The following MERTK variants were observed in gnomAD, a reference collection of about 807,000 sequenced individuals.
The protein encoded by MERTK is tyrosine-protein kinase Mer.
MERTK carries 69 observed loss-of-function variants against 99.3 expected under a neutral mutation model. That is an observed-to-expected ratio of 0.70 (90% CI 0.57 to 0.85). The LOEUF (loss-of-function observed/expected upper bound fraction) is 0.85. MERTK is among the 40% of genes least tolerant of loss of function. The pLI is 0.00. For missense variants in MERTK, 1,125 were observed against 1,249.4 expected (o/e 0.90, Z 1.50); for synonymous variants, 426 against 467.6 (o/e 0.91, Z 1.15).
chr2:111,948,185 T>A (rs1684994974), intron 4 of MERTK, among the ~76,000 whole-genome samples: 1 of 152,150 alleles, frequency 6.6e-6, no homozygotes, highest in Non-Finnish European at 1.5e-5. Context: ...GTTACCACAC[T>A]CCCTCCCTCC....
chr2:111,979,063 A>C (rs751490974), intron 7 of MERTK, among the ~76,000 whole-genome samples: 1 of 152,070 alleles, frequency 6.6e-6, no homozygotes, highest in Non-Finnish European at 1.5e-5. Flanking sequence ...CATTACCTTT[A>C]ACTGTTTCGT....
intron 1 of MERTK, among the ~76,000 whole-genome samples, chr2:111,903,552 G>C (rs1317965249): frequency 1.3e-5 from 2 of 152,242 alleles, no homozygotes; most frequent in East Asian, 3.8e-4. Flanking sequence ...AGCCCTGGGT[G>C]CCTTGACTTT....
At chr2:111,927,571 C>T (rs749206269) in intron 1 of MERTK, among the ~76,000 whole-genome samples, 1 of 152,108 alleles carries the variant, frequency 6.6e-6, no homozygotes, top group Non-Finnish European at 1.5e-5. Flanking sequence ...ACTCGGGAGG[C>T]TGAGGTAGGA....
In MERTK at chr2:111,898,805, G is replaced by T; in HGVS notation, c.61+9G>T. 6.3e-7 allele frequency: 1 copy of T among 1,585,024 alleles called. No individual in the cohort carries two copies. The highest frequency in any genetic ancestry group is 8.6e-7 in the Non-Finnish European group (1 of 1,166,468). Reference sequence around the variant, plus strand: ...CGCGCTCTGGCGTAGAGGTGAGTGCGCCCGGCTGGGGGCCAGGCGAGGGGG... The same window carrying T: ...CGCGCTCTGGCGTAGAGGTGAGTGCTCCCGGCTGGGGGCCAGGCGAGGGGG... On this transcript the variant is annotated intron_variant, in intron 1 of 18. Transcript: ENST00000295408.
chr2:112,018,605 G>A lies in MERTK; in HGVS notation c.2080-808G>A, dbSNP rs570889594. Among the ~76,000 whole-genome samples, 15 of 152,266 alleles carry A rather than the reference G, an allele frequency of 9.9e-5. No individual in the cohort carries two copies. The South Asian group carries it at 3.1e-3, about 32-fold the overall frequency. On this transcript the variant is annotated intron_variant, in intron 15 of 18. Coordinates refer to ENST00000295408, the MANE Select transcript of MERTK (RefSeq NM_006343.3). ...GCCTTGGGGAGGGTACATAATGGAT[G>A]GACCCATTCATGACTGCCAGGGACT...
chr2:111,933,588 C>T (rs966406773), intron 2 of MERTK, among the ~76,000 whole-genome samples: 8 of 151,970 alleles, frequency 5.3e-5, no homozygotes, highest in East Asian at 3.8e-4. Context: ...TAGAAATTCC[C>T]GTAAGAATAG....
chr2:111,919,118 A>G (rs922073165), intron 1 of MERTK, among the ~76,000 whole-genome samples: 1 of 152,036 alleles, frequency 6.6e-6, no homozygotes, highest in African/African-American at 2.4e-5. Context: ...TGTCCCTCTG[A>G]CTTTAGGGTT....
At chr2:111,930,905 G>A (rs534508333) in intron 2 of MERTK, among the ~76,000 whole-genome samples, 2 of 152,232 alleles carry the variant, frequency 1.3e-5, no homozygotes, top group East Asian at 1.9e-4. Context: ...TCAGGACTTC[G>A]TTGCGTGCAC....
intron 15 of MERTK, among the ~76,000 whole-genome samples, chr2:112,011,253 C>G (rs907649141): frequency 2.0e-5 from 3 of 152,138 alleles, no homozygotes; most frequent in Non-Finnish European, 2.9e-5. Context: ...GAAATTAGTT[C>G]TTAGGGACCA....
At chr2:111,926,685 C>T (rs528370338) in intron 1 of MERTK, among the ~76,000 whole-genome samples, 1 of 152,298 alleles carries the variant, frequency 6.6e-6, no homozygotes, top group African/African-American at 2.4e-5. Context: ...TGAGATTGCG[C>T]CACTGCACTC....
chr2:111,956,739 A>G (rs1685154963), intron 4 of MERTK, among the ~76,000 whole-genome samples: 1 of 151,982 alleles, frequency 6.6e-6, no homozygotes, highest in South Asian at 2.1e-4. Flanking sequence ...TACTCAATGT[A>G]ACCTCAAAAC....
rs1005224975 is a variant in MERTK, at chr2:111,963,115, C to A, written c.758-2076C>A. On this transcript the variant is annotated intron_variant, in intron 4 of 18. Coordinates refer to ENST00000295408, the MANE Select transcript of MERTK (RefSeq NM_006343.3). ...CAGATAAACACGTGAACAAAGGTCT[C>A]TGCAACATAGACAAGGTAAAGAATT... Among the ~76,000 whole-genome samples the A allele has an allele frequency of 1.0e-3, 159 of 152,230 alleles. 1 individual carries two copies. Among genetic ancestry groups the A allele is most frequent in the African/African-American group, 3.7e-3 (155 of 41,530 alleles).
At chr2:111,956,304 T>C (rs80066255) in intron 4 of MERTK, among the ~76,000 whole-genome samples, 2 of 152,240 alleles carry the variant, frequency 1.3e-5, no homozygotes, top group East Asian at 3.9e-4. Context: ...GTACCAGGAT[T>C]GCCTATAGGA....
At chr2:111,970,430 T>G (rs1676082481) in intron 6 of MERTK, among the ~76,000 whole-genome samples, 1 of 152,186 alleles carries the variant, frequency 6.6e-6, no homozygotes. Flanking sequence ...GTGCTGGGAT[T>G]ACTGGTGTGA....
At chr2:111,939,326 A>G (rs980485893) in intron 2 of MERTK, among the ~76,000 whole-genome samples, 3 of 152,068 alleles carry the variant, frequency 2.0e-5, no homozygotes, top group Non-Finnish European at 2.9e-5. Context: ...TTGTTAATCC[A>G]TGAATGGATT....
At chr2:112,009,661 T>G (rs1677054264) in intron 14 of MERTK, among the ~76,000 whole-genome samples, 1 of 152,174 alleles carries the variant, frequency 6.6e-6, no homozygotes, top group Non-Finnish European at 1.5e-5. Context: ...TCACTACCCC[T>G]CAGACTCAGT....
chr2:111,898,613 C>A lies in MERTK; in HGVS notation c.-123C>A. The stretch of plus-strand genomic sequence containing the variant: ...CCGGCCGCTTGGCTCCGCCACTCGG[C>A]ACTCACTGCCCGGGCCGCCCGGACA... On this transcript the variant is annotated 5_prime_UTR_variant, in exon 1 of 19. Transcript: ENST00000295408. 8.5e-7 allele frequency: 1 copy of A among 1,170,748 alleles called. No individual in the cohort carries two copies. Among genetic ancestry groups the A allele is most frequent in the Non-Finnish European group, 1.2e-6 (1 of 808,898 alleles). 72.5% of individuals were successfully genotyped at this position (1,170,748 alleles called of 1,614,324 possible). A position where few individuals can be genotyped will look rare whatever the true frequency, so the allele number is the denominator to read the frequency against.
At chr2:111,968,778 C>T (rs1447040078) in intron 6 of MERTK, among the ~76,000 whole-genome samples, 1 of 152,112 alleles carries the variant, frequency 6.6e-6, no homozygotes, top group Non-Finnish European at 1.5e-5. Context: ...ATCCGCCCGC[C>T]TCGGCCTCCC....
At chr2:111,928,781 T>C (rs1222615286) in intron 1 of MERTK, among the ~76,000 whole-genome samples, 1 of 152,196 alleles carries the variant, frequency 6.6e-6, no homozygotes, top group African/African-American at 2.4e-5. Flanking sequence ...CCACCGCGCC[T>C]GGCCAAGAAA....
Sources: gnomAD v4.1 joint callset for allele counts (sites outside exome capture counted in the v4.1 genomes callset) on GRCh38, gnomAD v4.1.1 for gene constraint, MANE v1.5 for transcripts, NCBI Gene and HGNC (gene_info 2026-07-23, HGNC 2026-07-21) for gene names.